The following AFG1L variants were observed in gnomAD, a reference collection of about 807,000 sequenced individuals.
AFG1L encodes AFG1 like ATPase, also known as AFG1-like ATPase.
AFG1L carries 53 observed loss-of-function variants against 62.2 expected under a neutral mutation model. That is an observed-to-expected ratio of 0.85 (90% CI 0.68 to 1.07). The LOEUF is 1.07. Ranked by LOEUF, AFG1L falls within the 50% of genes least tolerant of loss-of-function variation. The pLI is 0.00. For synonymous variants in AFG1L, 228 were observed against 210.3 expected (o/e 1.08, Z -0.73); for missense variants, 555 against 590.5 (o/e 0.94, Z 0.62).
chr6:108,515,930 A>G (rs2114910608), intron 11 of AFG1L, among the ~76,000 whole-genome samples: 1 of 152,314 alleles, frequency 6.6e-6, no homozygotes, highest in South Asian at 2.1e-4. Flanking sequence ...GGACACATAC[A>G]CCCTCCCAAG....
chr6:108,306,196 G>C (rs536086116), intron 1 of AFG1L, among the ~76,000 whole-genome samples: 1 of 152,300 alleles, frequency 6.6e-6, no homozygotes, highest in South Asian at 2.1e-4. Context: ...GAGCCACTGT[G>C]CCCAGCCTCA....
At chr6:108,467,348 A>G (rs1214278499) in intron 8 of AFG1L, among the ~76,000 whole-genome samples, 1 of 151,654 alleles carries the variant, frequency 6.6e-6, no homozygotes, top group Non-Finnish European at 1.5e-5. Context: ...TTCCGGGTTC[A>G]AATGATTCTG....
intron 7 of AFG1L, among the ~76,000 whole-genome samples, chr6:108,433,342 C>T (rs929980019): frequency 1.1e-4 from 16 of 152,010 alleles, no homozygotes; most frequent in South Asian, 2.1e-4. Context: ...TGCAGTGGCG[C>T]GACTTCAGCT....
chr6:108,462,907 T>G (rs1772516636), intron 8 of AFG1L, among the ~76,000 whole-genome samples: 1 of 152,220 alleles, frequency 6.6e-6, no homozygotes, highest in South Asian at 2.1e-4. Context: ...CAGTTATAAC[T>G]GAAGATCAAT....
intron 2 of AFG1L, among the ~76,000 whole-genome samples, chr6:108,344,452 A>G (rs1196921019): frequency 6.6e-6 from 1 of 151,986 alleles, no homozygotes; most frequent in Non-Finnish European, 1.5e-5. Flanking sequence ...AGCTGGATGT[A>G]GTGGTGTCCA....
At chr6:108,385,577 C>G (rs1423802698) in intron 6 of AFG1L, among the ~76,000 whole-genome samples, 1 of 152,212 alleles carries the variant, frequency 6.6e-6, no homozygotes, top group Non-Finnish European at 1.5e-5. Flanking sequence ...CTGTTCGAGG[C>G]TCTCAGCTCT....
chr6:108,398,779 G>C (rs1172816612), intron 6 of AFG1L, among the ~76,000 whole-genome samples: 1 of 152,034 alleles, frequency 6.6e-6, no homozygotes, highest in Admixed American at 6.6e-5. Context: ...ATTTGTTTCT[G>C]GGTTCTCTAT....
At chr6:108,316,121 C>G (rs1777581212) in intron 1 of AFG1L, among the ~76,000 whole-genome samples, 1 of 151,970 alleles carries the variant, frequency 6.6e-6, no homozygotes, top group African/African-American at 2.4e-5. Flanking sequence ...GTGGCTGACG[C>G]CTGTAATCCC....
Position 108,314,483 on chromosome 6 carries a change from A to G in AFG1L, c.140-9342A>G, listed in dbSNP as rs112291184. ...GCGATCTAGGCTCACTGCAACCTCC[A>G]CCTCCCAGGTTCAAGCAGTTCTCCT... On this transcript the variant is annotated intron_variant, in intron 1 of 12. Coordinates refer to ENST00000368977, the MANE Select transcript of AFG1L (RefSeq NM_145315.5). Among the ~76,000 whole-genome samples, 132 of 145,368 alleles carry G rather than the reference A, an allele frequency of 9.1e-4. 1 individual carries two copies. Among genetic ancestry groups the G allele is most frequent in the African/African-American group, 3.3e-3 (128 of 39,128 alleles).
intron 5 of AFG1L, among the ~76,000 whole-genome samples, chr6:108,362,194 T>C (rs929487044): frequency 2.6e-5 from 4 of 152,344 alleles, no homozygotes; most frequent in African/African-American, 7.2e-5. Flanking sequence ...TCATTCTGAA[T>C]TATCTGAACA....
intron 10 of AFG1L, among the ~76,000 whole-genome samples, chr6:108,484,909 A>G (rs969131530): frequency 6.6e-6 from 1 of 152,214 alleles, no homozygotes; most frequent in African/African-American, 2.4e-5. Context: ...ATCACTGTAT[A>G]TCAGGTTAAA....
intron 2 of AFG1L, among the ~76,000 whole-genome samples, chr6:108,333,070 T>A (rs760291800): frequency 6.6e-6 from 1 of 152,106 alleles, no homozygotes; most frequent in Non-Finnish European, 1.5e-5. Flanking sequence ...ATAGAAAAAG[T>A]GAAAAGGTAG....
intron 7 of AFG1L, among the ~76,000 whole-genome samples, chr6:108,406,484 C>T (rs371691686): frequency 6.6e-6 from 1 of 152,252 alleles, no homozygotes; most frequent in East Asian, 1.9e-4. Context: ...GTCACACAGG[C>T]TGGAGTGCGG....
At chr6:108,502,923 A>G (rs1330219679) in intron 10 of AFG1L, among the ~76,000 whole-genome samples, 3 of 152,336 alleles carry the variant, frequency 2.0e-5, no homozygotes, top group Middle Eastern at 3.4e-3. Flanking sequence ...TGTTCACACC[A>G]TCTTCACCAG....
chr6:108,398,877 T>A (rs925468912), intron 6 of AFG1L, among the ~76,000 whole-genome samples: 17 of 152,148 alleles, frequency 1.1e-4, no homozygotes, highest in African/African-American at 3.9e-4. Context: ...AAGTCAGGTA[T>A]TGTGATTTCT....
intron 3 of AFG1L, among the ~76,000 whole-genome samples, chr6:108,354,732 C>T (rs1323853166): frequency 6.6e-6 from 1 of 151,984 alleles, no homozygotes; most frequent in Non-Finnish European, 1.5e-5. Context: ...GACATGAGGC[C>T]TCTTCATGCT....
chr6:108,304,936 A>G (rs188583139), intron 1 of AFG1L, among the ~76,000 whole-genome samples: 188 of 152,346 alleles, frequency 1.2e-3, no homozygotes, highest in African/African-American at 4.2e-3. Context: ...TGCTGGATCA[A>G]TCATTTGATT....
intron 6 of AFG1L, among the ~76,000 whole-genome samples, chr6:108,388,711 T>C (rs1338992492): frequency 2.0e-5 from 3 of 150,504 alleles, no homozygotes; most frequent in Non-Finnish European, 3.0e-5. Context: ...TAATCCTGAG[T>C]TCTAGTTTGA....
chr6:108,402,282 G>C (rs1041752594), intron 7 of AFG1L, among the ~76,000 whole-genome samples: 27 of 152,024 alleles, frequency 1.8e-4, no homozygotes, highest in Admixed American at 6.6e-4. Flanking sequence ...GACCAACATG[G>C]TGAAACCCCG....
Sources: allele counts gnomAD v4.1 joint callset (sites outside exome capture counted in the v4.1 genomes callset), GRCh38; gene constraint gnomAD v4.1.1; transcripts MANE v1.5; gene names NCBI Gene and HGNC (gene_info 2026-07-23, HGNC 2026-07-21).